AMOT: variants seen among roughly 807,000 people sequenced by gnomAD.
AMOT encodes angiomotin.
A neutral mutation model predicts 67.0 loss-of-function variants in AMOT; 11 were observed. The ratio of observed to expected loss-of-function variants is 0.16; its 90% CI spans 0.10 to 0.27. The LOEUF (loss-of-function observed/expected upper bound fraction) is 0.27. Among genes scored for constraint, AMOT ranks in the 10% least tolerant of loss-of-function variants. The pLI is 1.00. For missense variants in AMOT, 753 were observed against 852.0 expected (o/e 0.88, Z 1.45); for synonymous variants, 326 against 321.4 (o/e 1.01, Z -0.15).
chrX:112,837,042 T>C (rs916733856), intron 1 of AMOT, among the ~76,000 whole-genome samples: 1 of 111,574 alleles, frequency 9.0e-6, no homozygotes, highest in Non-Finnish European at 1.9e-5. Context: ...TAGAAATAAC[T>C]TTCTGGATCC....
intron 5 of AMOT, among the ~76,000 whole-genome samples, chrX:112,814,635 CA>C (rs1467273311): frequency 8.9e-6 from 1 of 112,253 alleles, no homozygotes; most frequent in African/African-American, 3.2e-5. Context: ...GGTAAAGTCC[CA>C]ATGGGGGTGG....
intron 4 of AMOT, among the ~76,000 whole-genome samples, chrX:112,816,916 C>T (rs1392029093): frequency 1.8e-5 from 2 of 112,146 alleles, no homozygotes; most frequent in Non-Finnish European, 3.8e-5. Flanking sequence ...ATAATTCATA[C>T]CTAATGACTA....
intron 8 of AMOT, among the ~76,000 whole-genome samples, chrX:112,801,106 C>T (rs756307628): frequency 7.2e-5 from 8 of 111,507 alleles, no homozygotes; most frequent in East Asian, 2.8e-4. Context: ...TTACCCAAGC[C>T]GCTTCCACTC....
In AMOT at chrX:112,816,015, T is replaced by C. The variant is rs927115307; in HGVS notation, c.873-138A>G. 25 of 907,976 alleles carry C rather than the reference T, an allele frequency of 2.8e-5. No homozygotes were observed. The Admixed American group carries it at 6.6e-4, about 24-fold the overall frequency. The allele number at this position is 907,976 out of a possible 1,213,427, so 74.8% of individuals were successfully genotyped here. A position where few individuals can be genotyped will look rare whatever the true frequency, so the allele number is the denominator to read the frequency against. ...ATGAAGAGCAGGCAGGGTCTGACTA[T>C]GGGGAAGTCTAACCCTGCCTGCTCT... On this transcript the variant is annotated intron_variant, in intron 4 of 13. Coordinates refer to ENST00000371959, the MANE Select transcript of AMOT (RefSeq NM_001113490.2).
chrX:112,838,508 A>C (rs1296919323), intron 1 of AMOT, among the ~76,000 whole-genome samples: 1 of 111,676 alleles, frequency 9.0e-6, no homozygotes, highest in African/African-American at 3.3e-5. Flanking sequence ...TGATTAGGCT[A>C]TTCTTAAAGC....
Position 112,777,797 on chromosome X carries a change from G to C in AMOT, c.*770C>G, listed in dbSNP as rs879130957. The stretch of plus-strand genomic sequence containing the variant: ...TCTGATGGTCTAATTCCCTAAGAGA[G>C]AGGAAGTTGCGCATCACTCAGTTAA... On this transcript the variant is annotated 3_prime_UTR_variant, in exon 14 of 14. Transcript: ENST00000371959. 1 of 112,163 alleles carries C rather than the reference G, an allele frequency of 8.9e-6. No homozygotes were observed. The highest frequency in any genetic ancestry group is 3.8e-4 in the South Asian group (1 of 2,651). The allele number at this position is 112,163 out of a possible 1,213,427, so 9.2% of individuals were successfully genotyped here. A position where few individuals can be genotyped will look rare whatever the true frequency, so the allele number is the denominator to read the frequency against.
chrX:112,790,084 G>C (rs181943756), intron 10 of AMOT, among the ~76,000 whole-genome samples: 5 of 104,248 alleles, frequency 4.8e-5, no homozygotes, highest in Non-Finnish European at 5.8e-5. Context: ...TATGCACATA[G>C]AGAATGTGGC....
At chrX:112,815,233 T>C (rs898708913) in intron 5 of AMOT, 125 bp downstream of exon 5, 2 of 936,760 alleles carry the variant, frequency 2.1e-6, no homozygotes, top group Non-Finnish European at 2.9e-6. Flanking sequence ...CCTTCAGATA[T>C]AAAAATCCTG....
At chrX:112,788,569 C>T (rs969041656) in intron 10 of AMOT, among the ~76,000 whole-genome samples, 2 of 112,264 alleles carry the variant, frequency 1.8e-5, no homozygotes, top group Non-Finnish European at 3.8e-5. Context: ...GTAAGAGGCA[C>T]TATCACTGGA....
intron 1 of AMOT, among the ~76,000 whole-genome samples, chrX:112,833,063 A>G (rs1935034355): frequency 8.9e-6 from 1 of 111,824 alleles, no homozygotes; most frequent in Admixed American, 9.5e-5. Flanking sequence ...CACAAATCAT[A>G]TAACCCAGCT....
At chrX:112,817,376 T>C (rs1934596697) in intron 4 of AMOT, among the ~76,000 whole-genome samples, 1 of 112,420 alleles carries the variant, frequency 8.9e-6, no homozygotes, top group Middle Eastern at 4.6e-3. Flanking sequence ...CATTTAATCT[T>C]TGCAATAAAT....
chrX:112,838,725 T>C (rs148004820), intron 1 of AMOT, among the ~76,000 whole-genome samples: 2,987 of 112,647 alleles, frequency 0.027, 103 homozygotes, highest in African/African-American at 0.089. Flanking sequence ...ACAAATTTCA[T>C]GTAAAAGTGA....
At chrX:112,835,909 T>C (rs1467681780) in intron 1 of AMOT, among the ~76,000 whole-genome samples, 1 of 111,432 alleles carries the variant, frequency 9.0e-6, no homozygotes, top group Non-Finnish European at 1.9e-5. Flanking sequence ...AGAGATCACA[T>C]GTATACCACA....
intron 8 of AMOT, among the ~76,000 whole-genome samples, chrX:112,800,721 G>A (rs1933986868): frequency 1.8e-5 from 2 of 109,778 alleles, no homozygotes; most frequent in African/African-American, 6.9e-5. Flanking sequence ...AGAAAGAAGG[G>A]AAAATATTAG....
At chrX:112,792,085 T>C (rs759427242) in intron 8 of AMOT, 104 bp from the exon 9 acceptor site, 5 of 967,674 alleles carry the variant, frequency 5.2e-6, no homozygotes, top group Middle Eastern at 3.3e-4. Flanking sequence ...GATCTCTTCT[T>C]GTTTTAGAGT....
At chrX:112,807,849 C>T (rs1934240239) in intron 7 of AMOT, among the ~76,000 whole-genome samples, 1 of 112,031 alleles carries the variant, frequency 8.9e-6, no homozygotes, top group Non-Finnish European at 1.9e-5. Context: ...AGATTCTGTA[C>T]ACTAATTTTT....
chrX:112,840,297 C>CA (rs1195887810), intron 1 of AMOT, among the ~76,000 whole-genome samples, 155 bp downstream of exon 1: 2 of 111,609 alleles, frequency 1.8e-5, no homozygotes, highest in African/African-American at 3.3e-5. Context: ...GCTGCACATC[C>CA]AAAAAAACTC....
rs182133752 is a variant in AMOT, at chrX:112,774,971, T to C, written c.*3596A>G. On this transcript the variant is annotated 3_prime_UTR_variant, in exon 14 of 14. Transcript: ENST00000371959. The stretch of plus-strand genomic sequence containing the variant: ...CTTTATTGGAACTAGCTCAGTTGAT[T>C]ACAGAATGGGGTCACAATCATTAGG... 8.9e-6 allele frequency: 1 copy of C among 112,286 alleles called. No individual in the cohort carries two copies. Among genetic ancestry groups the C allele is most frequent in the Non-Finnish European group, 1.9e-5 (1 of 53,289 alleles). The allele number at this position is 112,286 out of a possible 1,213,427, so 9.3% of individuals were successfully genotyped here. A position where few individuals can be genotyped will look rare whatever the true frequency, so the allele number is the denominator to read the frequency against.
intron 8 of AMOT, among the ~76,000 whole-genome samples, chrX:112,797,062 C>G (rs1418885851): frequency 2.7e-5 from 3 of 111,954 alleles, no homozygotes; most frequent in African/African-American, 9.8e-5. Flanking sequence ...TATCCTCAGT[C>G]ACAGACCTCT....
Sources: allele counts gnomAD v4.1 joint callset (sites outside exome capture counted in the v4.1 genomes callset), GRCh38; gene constraint gnomAD v4.1.1; transcripts MANE v1.5; gene names NCBI Gene and HGNC (gene_info 2026-07-23, HGNC 2026-07-21).